The following VPS13B variants were observed in gnomAD, a reference collection of about 807,000 sequenced individuals.
The protein encoded by VPS13B is intermembrane lipid transfer protein VPS13B.
VPS13B carries 285 observed loss-of-function variants against 426.4 expected under a neutral mutation model. The observed-to-expected ratio is 0.67, with a 90% CI of 0.61 to 0.74. VPS13B has a LOEUF of 0.74. Among genes scored for constraint, VPS13B ranks in the 30% least tolerant of loss-of-function variants. The pLI is 0.00. For synonymous variants in VPS13B, 1,676 were observed against 1,676.4 expected (o/e 1.00, Z 0.01); for missense variants, 4,537 against 4,782.6 (o/e 0.95, Z 1.51).
chr8:99,868,213 C>T (rs1039688136), intron 58 of VPS13B, 76 bp from the exon 59 acceptor site: 37 of 1,587,464 alleles, frequency 2.3e-5, no homozygotes, highest in Non-Finnish European at 3.0e-5. Flanking sequence ...CCAGATAAAA[C>T]TGTGTTCCAG....
intron 50 of VPS13B, among the ~76,000 whole-genome samples, chr8:99,822,726 A>G (rs1814446645): frequency 1.3e-5 from 2 of 152,148 alleles, no homozygotes; most frequent in South Asian, 4.2e-4. Flanking sequence ...CTTAAAAATT[A>G]TTGAGAACCC....
At chr8:99,601,710 T>C (rs1460326307) in intron 33 of VPS13B, among the ~76,000 whole-genome samples, 1 of 152,208 alleles carries the variant, frequency 6.6e-6, no homozygotes, top group Admixed American at 6.5e-5. Context: ...CCTGAGATGA[T>C]ATCTCATTGT....
intron 21 of VPS13B, among the ~76,000 whole-genome samples, chr8:99,428,778 T>G (rs1280399061): frequency 5.3e-5 from 8 of 152,128 alleles, no homozygotes; most frequent in Non-Finnish European, 7.4e-5. Flanking sequence ...ATCCATTACT[T>G]GGTATATGCC....
intron 17 of VPS13B, among the ~76,000 whole-genome samples, chr8:99,198,061 A>G (rs1474284891): frequency 1.3e-5 from 2 of 152,188 alleles, no homozygotes; most frequent in Non-Finnish European, 2.9e-5. Flanking sequence ...GTTATGTTAT[A>G]TGAATTTTAT....
chr8:99,167,953 G>C (rs949789747), intron 15 of VPS13B, among the ~76,000 whole-genome samples: 1 of 152,094 alleles, frequency 6.6e-6, no homozygotes, highest in South Asian at 2.1e-4. Flanking sequence ...TGCTGGTTCT[G>C]CTTTTTCCAG....
At position 99,576,258 on chromosome 8, in the gene VPS13B, T is replaced by C. The variant is rs570924092; in HGVS notation, c.5076+474T>C. ...CTAATCCTACCAATTGCATTCATAC[T>C]ATTTAACCTACTAGTATAAGATCAA... On this transcript the variant is annotated intron_variant, in intron 32 of 61. Coordinates refer to ENST00000357162, the MANE Select transcript of VPS13B (RefSeq NM_152564.5). Among the ~76,000 whole-genome samples the C allele has an allele frequency of 1.9e-3, 286 of 152,332 alleles. 4 individuals are homozygous for C. Among genetic ancestry groups the C allele is most frequent in the Admixed American group, 5.0e-3 (76 of 15,298 alleles).
At chr8:99,193,144 A>G (rs926775651) in intron 17 of VPS13B, 87 bp downstream of exon 17, 4 of 1,302,512 alleles carry the variant, frequency 3.1e-6, no homozygotes, top group East Asian at 2.4e-5. Context: ...TATGTCTAGC[A>G]TGGTCAACTT....
At chr8:99,311,893 C>T (rs1820999217) in intron 19 of VPS13B, among the ~76,000 whole-genome samples, 1 of 152,158 alleles carries the variant, frequency 6.6e-6, no homozygotes, top group South Asian at 2.1e-4. Context: ...GTTTGCTCTT[C>T]TTGTTGAATT....
chr8:99,099,203 T>G (rs1376186148), intron 4 of VPS13B, among the ~76,000 whole-genome samples: 1 of 152,222 alleles, frequency 6.6e-6, no homozygotes, highest in Non-Finnish European at 1.5e-5. Flanking sequence ...GATTTTTTAT[T>G]CTTGCCCTTT....
intron 3 of VPS13B, among the ~76,000 whole-genome samples, chr8:99,075,821 A>G (rs141420114): frequency 6.6e-6 from 1 of 152,290 alleles, no homozygotes; most frequent in Admixed American, 6.5e-5. Flanking sequence ...TCTTTTCAAA[A>G]AGCTAACTTT....
chr8:99,683,859 A>G (rs890618247), intron 35 of VPS13B, among the ~76,000 whole-genome samples: 2 of 152,150 alleles, frequency 1.3e-5, no homozygotes, highest in South Asian at 2.1e-4. Context: ...TGCACTGTCT[A>G]TGATTTCCAA....
At chr8:99,742,205 A>G (rs1369086389) in intron 39 of VPS13B, among the ~76,000 whole-genome samples, 2 of 152,246 alleles carry the variant, frequency 1.3e-5, no homozygotes, top group Non-Finnish European at 2.9e-5. Flanking sequence ...ACCTCTACGC[A>G]AATAAACTAG....
Position 99,861,849 on chromosome 8 carries a change from G to A in VPS13B, c.11118G>A (p.Glu3706=), listed in dbSNP as rs768761481. The A allele has an allele frequency of 6.2e-7, 1 of 1,601,314 alleles. No individual in the cohort carries two copies. Among genetic ancestry groups the A allele is most frequent in the East Asian group, 2.3e-5 (1 of 44,444 alleles). ...TGGACCGGCTCTCACTGGATGAGGA[G>A]CACTACAACCGGCAGGAGGAGTGGC... ...RNMDRLSLDE[E]HYNRQEEWRR... The change falls in exon 58 of 62, where the codon GAG becomes GAA. Residue 3706 remains glutamate (E), a synonymous_variant. Coordinates refer to ENST00000357162, the MANE Select transcript of VPS13B (RefSeq NM_152564.5).
intron 29 of VPS13B, among the ~76,000 whole-genome samples, chr8:99,517,807 A>C (rs1180100194): frequency 6.6e-6 from 1 of 152,138 alleles, no homozygotes; most frequent in African/African-American, 2.4e-5. Context: ...ATATGGTCCA[A>C]CTATTAAATA....
chr8:99,633,806 G>GGT (rs139474452), intron 33 of VPS13B, among the ~76,000 whole-genome samples: 6,457 of 143,864 alleles, frequency 0.045, 235 homozygotes, highest in African/African-American at 0.094. Context: ...GAATGTGTCA[G>GGT]GTGTGTGTGT....
At chr8:99,360,266 C>G (rs1157452897) in intron 19 of VPS13B, among the ~76,000 whole-genome samples, 1 of 137,262 alleles carries the variant, frequency 7.3e-6, no homozygotes, top group Non-Finnish European at 1.6e-5. Flanking sequence ...TTCCTTCCTT[C>G]CTTCCTTCCT....
At chr8:99,414,732 G>A (rs951603291) in intron 21 of VPS13B, among the ~76,000 whole-genome samples, 1 of 152,204 alleles carries the variant, frequency 6.6e-6, no homozygotes, top group Non-Finnish European at 1.5e-5. Context: ...CTTTGAGAAT[G>A]TCGAATATTG....
chr8:99,484,830 G>A (rs2133563822), intron 25 of VPS13B, among the ~76,000 whole-genome samples: 1 of 149,094 alleles, frequency 6.7e-6, no homozygotes, highest in Non-Finnish European at 1.5e-5. Flanking sequence ...GGGTGACAGA[G>A]TGAGACTGTG....
At chr8:99,132,987 T>G (rs775451915) in intron 8 of VPS13B, among the ~76,000 whole-genome samples, 1 of 152,194 alleles carries the variant, frequency 6.6e-6, no homozygotes, top group Non-Finnish European at 1.5e-5. Context: ...AACACTATCT[T>G]CAACTTAAAG....
Sources: allele counts gnomAD v4.1 joint callset (sites outside exome capture counted in the v4.1 genomes callset), GRCh38; gene constraint gnomAD v4.1.1; transcripts MANE v1.5; gene names NCBI Gene and HGNC (gene_info 2026-07-23, HGNC 2026-07-21).